The following VRK1 variants were observed in gnomAD, a reference collection of about 807,000 sequenced individuals.
VRK1 encodes serine/threonine-protein kinase VRK1.
VRK1 carries 33 observed loss-of-function variants against 57.1 expected under a neutral mutation model. That is an observed-to-expected ratio of 0.58 (90% CI 0.44 to 0.77). The LOEUF (loss-of-function observed/expected upper bound fraction) is 0.77, where lower values mean the gene tolerates loss of function less well. Ranked by LOEUF, VRK1 falls within the 30% of genes least tolerant of loss-of-function variation. VRK1 has a pLI of 0.00. For synonymous variants in VRK1, 137 were observed against 147.8 expected (o/e 0.93, Z 0.53); for missense variants, 413 against 477.3 (o/e 0.87, Z 1.25).
rs373331961 is a variant in VRK1 at position 96,846,107 on chromosome 14, A to C, written c.229A>C (p.Asn77His). 4 of 1,613,268 alleles carry C rather than the reference A, an allele frequency of 2.5e-6. No individual in the cohort carries two copies. The African/African-American group carries it at 5.3e-5, about 22-fold the overall frequency. ...CTTATATTTTAAGGAACCCAGTGAC[A>C]ATGGACCTCTTTTTACTGAATTAAA... ...PCVVKVEPSD[N>H]GPLFTELKFY... The change falls in exon 4 of 13, where the codon AAT becomes CAT. Residue 77 changes from asparagine (N) to histidine (H), a missense_variant. Asn to His is a moderately conservative substitution (Grantham distance 68). Around this residue, in one of 3 missense-constraint regions of VRK1, gnomAD observed 116 missense variants for 113.6 expected, o/e 1.02. Coordinates refer to ENST00000216639, the MANE Select transcript of VRK1 (RefSeq NM_003384.3).
At chr14:96,848,318 A>G (rs1887797338) in intron 5 of VRK1, among the ~76,000 whole-genome samples, 1 of 152,200 alleles carries the variant, frequency 6.6e-6, no homozygotes, top group Non-Finnish European at 1.5e-5. Context: ...AAGCTTTCCC[A>G]GGAGCCCTGT....
chr14:96,810,360 G>GT (rs1235913633), intron 1 of VRK1, among the ~76,000 whole-genome samples: 3 of 152,090 alleles, frequency 2.0e-5, no homozygotes, highest in Non-Finnish European at 2.9e-5. Context: ...TACGGGTAGT[G>GT]TTTTTTTGTG....
chr14:96,860,727 A>ATTT lies in VRK1; in HGVS notation c.1061_1062insTTT (p.Ile354_Thr355insLeu). The stretch of plus-strand genomic sequence containing the variant: ...GAATGGAGGTTTGAAAGCAAAAACA[A>ATTT]TAACAAAGGTGAATTTTGTTATTAA... On this transcript the variant is annotated inframe_insertion, in exon 11 of 13. Coordinates refer to ENST00000216639, the MANE Select transcript of VRK1 (RefSeq NM_003384.3). 1 of 1,612,670 alleles carries ATTT rather than the reference A, an allele frequency of 6.2e-7. No homozygotes were observed. Among genetic ancestry groups the ATTT allele is most frequent in the East Asian group, 2.2e-5 (1 of 44,708 alleles).
chr14:96,881,427 T>TA lies in VRK1; in HGVS notation c.*221dup. ...TTGAAAATCTTCAGGTTATACTCCTTAAGTTATCCCAAAGCCGTGTGTTTG... is the reference window on the plus strand; with the variant it reads ...TTGAAAATCTTCAGGTTATACTCCTTAAAGTTATCCCAAAGCCGTGTGTTTG... On this transcript the variant is annotated 3_prime_UTR_variant, in exon 13 of 13. Coordinates refer to ENST00000216639, the MANE Select transcript of VRK1 (RefSeq NM_003384.3). 1 of 486,714 alleles carries TA rather than the reference T, an allele frequency of 2.1e-6. No homozygotes were observed. The highest frequency in any genetic ancestry group is 3.6e-6 in the Non-Finnish European group (1 of 277,884). The allele number at this position is 486,714 out of a possible 1,614,324, so 30.1% of individuals were successfully genotyped here.
At chr14:96,862,516 T>TG (rs1304111136) in intron 11 of VRK1, among the ~76,000 whole-genome samples, 1 of 151,806 alleles carries the variant, frequency 6.6e-6, no homozygotes, top group Non-Finnish European at 1.5e-5. Flanking sequence ...GTTAGCTTTT[T>TG]TTTTTTTTGT....
intron 1 of VRK1, among the ~76,000 whole-genome samples, chr14:96,826,832 T>C (rs531334051): frequency 7.9e-5 from 12 of 152,192 alleles, no homozygotes; most frequent in African/African-American, 1.9e-4. Context: ...AATTCCTCTT[T>C]TAAGAAATTG....
At chr14:96,821,534 T>C (rs953006578) in intron 1 of VRK1, among the ~76,000 whole-genome samples, 2 of 152,190 alleles carry the variant, frequency 1.3e-5, no homozygotes, top group Non-Finnish European at 2.9e-5. Context: ...CTAAAAAACA[T>C]TGACATTCTT....
intron 1 of VRK1, among the ~76,000 whole-genome samples, chr14:96,825,730 T>C (rs1886775187): frequency 6.6e-6 from 1 of 152,158 alleles, no homozygotes; most frequent in South Asian, 2.1e-4. Context: ...GATAAAAATA[T>C]GTTGGTTCCA....
chr14:96,813,566 C>T (rs914414497), intron 1 of VRK1, among the ~76,000 whole-genome samples: 11 of 152,010 alleles, frequency 7.2e-5, no homozygotes, highest in Non-Finnish European at 1.5e-4. Flanking sequence ...GTTTTATTTA[C>T]ATCAGTGATT....
intron 1 of VRK1, among the ~76,000 whole-genome samples, chr14:96,826,181 G>A (rs1317541369): frequency 6.6e-6 from 1 of 152,084 alleles, no homozygotes; most frequent in Non-Finnish European, 1.5e-5. Flanking sequence ...AATATTCATA[G>A]CAGAACTTTT....
At chr14:96,817,994 CTG>C (rs1308813501) in intron 1 of VRK1, among the ~76,000 whole-genome samples, 1 of 150,500 alleles carries the variant, frequency 6.6e-6, no homozygotes, top group African/African-American at 2.5e-5. Context: ...TTTCTGGTCT[CTG>C]TAGGAATGGA....
intron 2 of VRK1, among the ~76,000 whole-genome samples, chr14:96,834,473 A>G (rs1887137105): frequency 6.6e-6 from 1 of 152,062 alleles, no homozygotes; most frequent in South Asian, 2.1e-4. Flanking sequence ...CTGTAGGGAG[A>G]GGGCCCAGCA....
At chr14:96,857,869 G>A (rs533752550) in intron 10 of VRK1, among the ~76,000 whole-genome samples, 43 of 152,072 alleles carry the variant, frequency 2.8e-4, no homozygotes, top group African/African-American at 1.0e-3. Flanking sequence ...CCTCCTGGCC[G>A]AATGAGTCAC....
intron 11 of VRK1, among the ~76,000 whole-genome samples, chr14:96,872,939 G>T (rs1226891341): frequency 6.6e-6 from 1 of 152,036 alleles, no homozygotes; most frequent in Non-Finnish European, 1.5e-5. Context: ...TTAGAACAAA[G>T]AACTTTGTTC....
chr14:96,859,118 A>G (rs961411320), intron 10 of VRK1: 1 of 152,080 alleles, frequency 6.6e-6, no homozygotes, highest in African/African-American at 2.4e-5. Flanking sequence ...CTTTCATTGT[A>G]TTTGTTGCAA....
At chr14:96,870,474 A>G (rs564657175) in intron 11 of VRK1, among the ~76,000 whole-genome samples, 1 of 152,306 alleles carries the variant, frequency 6.6e-6, no homozygotes, top group South Asian at 2.1e-4. Context: ...GAGATGTGAC[A>G]TTGACTTTAA....
chr14:96,802,467 T>G (rs1328093107), intron 1 of VRK1, among the ~76,000 whole-genome samples: 1 of 152,202 alleles, frequency 6.6e-6, no homozygotes, highest in Non-Finnish European at 1.5e-5. Flanking sequence ...TGGTTGGAGT[T>G]TAAGGGCATT....
chr14:96,865,167 T>C (rs1055407284), intron 11 of VRK1, among the ~76,000 whole-genome samples: 1 of 152,174 alleles, frequency 6.6e-6, no homozygotes, highest in Non-Finnish European at 1.5e-5. Context: ...CATGAAGATA[T>C]GTTATTTTCA....
chr14:96,857,249 G>A (rs1362359432), intron 10 of VRK1, among the ~76,000 whole-genome samples: 1 of 151,732 alleles, frequency 6.6e-6, no homozygotes, highest in Non-Finnish European at 1.5e-5. Context: ...AGAAAACAGG[G>A]AATAGAATTA....
Sources: gnomAD v4.1 joint callset for allele counts (sites outside exome capture counted in the v4.1 genomes callset) on GRCh38, gnomAD v4.1.1 for gene constraint, gnomAD v4.1.1 regional missense constraint, MANE v1.5 for transcripts, NCBI Gene and HGNC (gene_info 2026-07-23, HGNC 2026-07-21) for gene names.